NRDC: variants seen among roughly 807,000 people sequenced by gnomAD.
The protein encoded by NRDC is nardilysin convertase.
In NRDC, 54 loss-of-function variants were observed where a neutral mutation model predicts 147.1. The ratio of observed to expected loss-of-function variants is 0.37; its 90% CI spans 0.29 to 0.46. The LOEUF is 0.46. Among genes scored for constraint, NRDC ranks in the 20% least tolerant of loss-of-function variants. NRDC has a pLI of 1.00. For synonymous variants in NRDC, 440 were observed against 482.1 expected (o/e 0.91, Z 1.14); for missense variants, 1,082 against 1,370.6 (o/e 0.79, Z 3.33).
chr1:51,856,569 G>A (rs1682253400), intron 1 of NRDC, among the ~76,000 whole-genome samples: 1 of 152,164 alleles, frequency 6.6e-6, no homozygotes, highest in Non-Finnish European at 1.5e-5. Flanking sequence ...ATAAAGAGAT[G>A]CACAGAGTGA....
intron 3 of NRDC, among the ~76,000 whole-genome samples, chr1:51,835,281 G>T (rs985037630): frequency 1.3e-5 from 2 of 151,672 alleles, no homozygotes; most frequent in African/African-American, 4.8e-5. Context: ...GGCTGGTCTC[G>T]AACTCCTGAC....
intron 7 of NRDC, among the ~76,000 whole-genome samples, chr1:51,822,119 T>C (rs1680237532): frequency 6.6e-6 from 1 of 152,018 alleles, no homozygotes; most frequent in African/African-American, 2.4e-5. Context: ...AGAAATTCTT[T>C]GGAAATTTAT....
intron 1 of NRDC, among the ~76,000 whole-genome samples, chr1:51,846,295 T>C (rs1037673603): frequency 2.0e-5 from 3 of 152,106 alleles, no homozygotes; most frequent in Non-Finnish European, 4.4e-5. Context: ...TTATTTTTAA[T>C]AGAGACGGGG....
chr1:51,800,639 G>A lies in NRDC; in HGVS notation c.2358C>T (p.Ser786=), dbSNP rs1679149641. The A allele has an allele frequency of 6.2e-7, 1 of 1,613,576 alleles. No homozygotes were observed. The highest frequency in any genetic ancestry group is 8.5e-7 in the Non-Finnish European group (1 of 1,179,606). ...TTATCATTGTAAAGACAGCTGGTGT[G>A]GAATTGAACTCAGCTAAGTAGTCAA... is the stretch of plus-strand genomic sequence containing the variant. ...LIIDYLAEFN[S]TPAVFTMITE... Residue 786 remains serine (S), a synonymous_variant, in exon 21 of 31, where the codon TCC becomes TCT. Coordinates refer to ENST00000352171, the MANE Select transcript of NRDC (RefSeq NM_001101662.2).
At chr1:51,877,990 G>T (rs898111041) in intron 1 of NRDC, 13 of 1,276,660 alleles carry the variant, frequency 1.0e-5, no homozygotes, top group Middle Eastern at 6.0e-4. Context: ...CACCATTCAG[G>T]CTGCGTTCCT....
At chr1:51,833,900 T>C (rs1200557133) in intron 4 of NRDC, 117 bp downstream of exon 4, 1 of 868,976 alleles carries the variant, frequency 1.2e-6, no homozygotes, top group Non-Finnish European at 1.7e-6. Flanking sequence ...CAGGCATGAG[T>C]CACCATGACT....
intron 1 of NRDC, among the ~76,000 whole-genome samples, chr1:51,848,854 A>C (rs1483637486): frequency 1.3e-5 from 2 of 152,190 alleles, no homozygotes; most frequent in African/African-American, 2.4e-5. Context: ...AAGCACAAAA[A>C]AGGTCTGTTA....
chr1:51,819,173 G>A (rs959741027), intron 9 of NRDC, among the ~76,000 whole-genome samples: 1 of 151,984 alleles, frequency 6.6e-6, no homozygotes, highest in South Asian at 2.1e-4. Context: ...ATAGTGGTGA[G>A]TGCCTGTAAT....
chr1:51,795,069 T>C (rs1487220792), intron 22 of NRDC: 3 of 1,459,202 alleles, frequency 2.1e-6, no homozygotes, highest in Non-Finnish European at 2.7e-6. Context: ...GTTCTGGCTC[T>C]CTTGGCAATC....
rs886079965 is a variant in NRDC, at chr1:51,853,790, TC to T, written c.342-13277del. Among the ~76,000 whole-genome samples, 23 of 152,326 alleles carry T rather than the reference TC, an allele frequency of 1.5e-4. 1 individual carries two copies. The highest frequency in any genetic ancestry group is 1.4e-3 in the Admixed American group (21 of 15,310). On this transcript the variant is annotated intron_variant, in intron 1 of 30. Transcript: ENST00000352171. ...ATGAATCTGCTGAGGTAGAAACTCA[TC>T]TAAAATAAATTAGAGAACAAGTCAC... is the stretch of plus-strand genomic sequence containing the variant.
At chr1:51,837,770 T>C (rs1681059657) in intron 2 of NRDC, 1 of 592,350 alleles carries the variant, frequency 1.7e-6, no homozygotes. Flanking sequence ...TTTATCAAAC[T>C]TTTAAAATCA....
intron 14 of NRDC, among the ~76,000 whole-genome samples, chr1:51,813,678 T>C (rs1557907348): frequency 6.6e-6 from 1 of 152,210 alleles, no homozygotes; most frequent in Non-Finnish European, 1.5e-5. Flanking sequence ...ACATGGTAAA[T>C]ATAAATTACC....
At chr1:51,828,812 G>A (rs376620675) in intron 4 of NRDC, among the ~76,000 whole-genome samples, 7 of 149,796 alleles carry the variant, frequency 4.7e-5, no homozygotes, top group East Asian at 2.0e-4. Flanking sequence ...TCAAACTGCC[G>A]GGTTCAAGCA....
intron 10 of NRDC, among the ~76,000 whole-genome samples, chr1:51,817,498 G>C (rs1262585695): frequency 6.6e-6 from 1 of 152,112 alleles, no homozygotes; most frequent in African/African-American, 2.4e-5. Context: ...TAATTCAGAG[G>C]AGTAAATCCT....
chr1:51,841,747 G>C (rs1433939801), intron 1 of NRDC, among the ~76,000 whole-genome samples: 4 of 152,132 alleles, frequency 2.6e-5, no homozygotes, highest in Non-Finnish European at 5.9e-5. Flanking sequence ...CTAATAATGA[G>C]ATGAGCCAGT....
chr1:51,859,498 T>G (rs1346401795), intron 1 of NRDC, among the ~76,000 whole-genome samples: 1 of 152,214 alleles, frequency 6.6e-6, no homozygotes, highest in East Asian at 1.9e-4. Context: ...ATATATCCCC[T>G]TTTCCCCTGC....
At chr1:51,860,713 C>T (rs546372265) in intron 1 of NRDC, among the ~76,000 whole-genome samples, 14 of 152,278 alleles carry the variant, frequency 9.2e-5, no homozygotes, top group African/African-American at 2.9e-4. Context: ...TATAAACTTA[C>T]GTGTCTAGAA....
chr1:51,814,515 C>A, intron 13 of NRDC, 36 bp downstream of exon 13: 1 of 1,596,154 alleles, frequency 6.3e-7, no homozygotes, highest in Non-Finnish European at 8.6e-7. Flanking sequence ...TATACCAGGA[C>A]TGGCTCCTGG....
intron 10 of NRDC, among the ~76,000 whole-genome samples, chr1:51,816,745 T>C (rs1476939149): frequency 6.6e-6 from 1 of 152,202 alleles, no homozygotes; most frequent in Non-Finnish European, 1.5e-5. Flanking sequence ...TGAATTACTG[T>C]CTGTAAAAGC....
Sources: allele counts gnomAD v4.1 joint callset (sites outside exome capture counted in the v4.1 genomes callset), GRCh38; gene constraint gnomAD v4.1.1; transcripts MANE v1.5; gene names NCBI Gene and HGNC (gene_info 2026-07-23, HGNC 2026-07-21).